Variants in SOX5 observed in about 807,000 individuals in gnomAD.
The protein encoded by SOX5 is SRY-box transcription factor 5.
Under a neutral mutation model 92.0 loss-of-function variants are expected in SOX5, and 9 were observed. That is an observed-to-expected ratio of 0.10 (90% CI 0.06 to 0.17). The LOEUF is 0.17. Ranked by LOEUF, SOX5 falls within the 10% of genes least tolerant of loss-of-function variation. The probability of loss-of-function intolerance (pLI) is 1.00; values close to 1 mark genes in which losing one functional copy is unlikely to be tolerated. For missense variants in SOX5, 642 were observed against 944.5 expected, an observed-to-expected ratio of 0.68 and a Z score of 4.20; for synonymous variants, 344 against 336.3, an observed-to-expected ratio of 1.02 and a Z score of -0.25.
chr12:24,347,936 T>C (rs1394748399), intron 2 of SOX5, among the ~76,000 whole-genome samples: 2 of 150,218 alleles, frequency 1.3e-5, no homozygotes, highest in Non-Finnish European at 2.9e-5. Flanking sequence ...TACTTTCAAG[T>C]ATAAAATGAA....
intron 4 of SOX5, among the ~76,000 whole-genome samples, chr12:24,194,080 C>T (rs12296666): frequency 0.038 from 5,829 of 152,162 alleles, 112 homozygotes; most frequent in South Asian, 0.066. Context: ...TCCATCTAAC[C>T]AGATAAGGAT....
At chr12:24,170,968 C>T (rs1954015715) in intron 4 of SOX5, among the ~76,000 whole-genome samples, 1 of 152,058 alleles carries the variant, frequency 6.6e-6, no homozygotes, top group African/African-American at 2.4e-5. Context: ...AATAGCTATC[C>T]CACTGAAGCA....
intron 8 of SOX5, among the ~76,000 whole-genome samples, chr12:23,626,418 T>G (rs2077793943): frequency 6.6e-6 from 1 of 152,196 alleles, no homozygotes; most frequent in African/African-American, 2.4e-5. Context: ...ATCTTCCTTC[T>G]TATTCCATGG....
intron 2 of SOX5, among the ~76,000 whole-genome samples, chr12:24,333,240 C>T (rs1951527708): frequency 6.7e-6 from 1 of 149,570 alleles, no homozygotes; most frequent in Non-Finnish European, 1.5e-5. Flanking sequence ...ACAAACTTAC[C>T]AGCAAAAAAA....
chr12:24,287,177 GTCATAGCA>G (rs1304030241), intron 2 of SOX5, among the ~76,000 whole-genome samples: 1 of 152,104 alleles, frequency 6.6e-6, no homozygotes, highest in African/African-American at 2.4e-5. Context: ...TTTTAAAAAA[GTCATAGCA>G]TCAGATAGAG....
intron 4 of SOX5, among the ~76,000 whole-genome samples, chr12:23,742,735 T>C (rs1218577161): frequency 6.6e-6 from 1 of 152,190 alleles, no homozygotes; most frequent in African/African-American, 2.4e-5. Flanking sequence ...CTCATGCCTG[T>C]AATTCCAATG....
At chr12:23,663,811 T>C (rs1302916316) in intron 7 of SOX5, among the ~76,000 whole-genome samples, 3 of 151,514 alleles carry the variant, frequency 2.0e-5, no homozygotes, top group African/African-American at 7.3e-5. Context: ...ATTCTTAGAA[T>C]GTAAAATATT....
At chr12:23,894,718 C>T (rs948004287) in intron 2 of SOX5, among the ~76,000 whole-genome samples, 5 of 151,980 alleles carry the variant, frequency 3.3e-5, no homozygotes, top group Non-Finnish European at 5.9e-5. Flanking sequence ...AATTCAAAAA[C>T]ATGAACAAGT....
intron 4 of SOX5, among the ~76,000 whole-genome samples, chr12:23,996,262 G>T (rs1951023999): frequency 6.6e-6 from 1 of 152,110 alleles, no homozygotes; most frequent in African/African-American, 2.4e-5. Context: ...TTAGTCATTA[G>T]GGAAATATAA....
intron 4 of SOX5, among the ~76,000 whole-genome samples, chr12:24,166,331 C>T (rs1201144738): frequency 6.6e-6 from 1 of 152,120 alleles, no homozygotes; most frequent in Non-Finnish European, 1.5e-5. Context: ...TGAAGATGTT[C>T]AGCCAGCCAA....
At chr12:24,238,686 T>G (rs898832775) in intron 3 of SOX5, among the ~76,000 whole-genome samples, 3 of 152,150 alleles carry the variant, frequency 2.0e-5, no homozygotes, top group Admixed American at 2.0e-4. Context: ...GTTAGTTGAC[T>G]TCTTATGCTG....
chr12:23,889,195 A>G (rs1293189536), intron 2 of SOX5, among the ~76,000 whole-genome samples: 3 of 152,214 alleles, frequency 2.0e-5, no homozygotes, highest in African/African-American at 7.2e-5. Flanking sequence ...CAATAACCAC[A>G]CTGGTTTAAC....
chr12:23,665,357 A>T, intron 7 of SOX5, 87 bp downstream of exon 7: 4 of 1,430,540 alleles, frequency 2.8e-6, no homozygotes, highest in Non-Finnish European at 3.9e-6. Flanking sequence ...GGGTGATCTC[A>T]TTTCTTGGTG....
chr12:24,530,991 C>CT (rs1354914119), intron 1 of SOX5, among the ~76,000 whole-genome samples: 1 of 152,002 alleles, frequency 6.6e-6, no homozygotes, highest in African/African-American at 2.4e-5. Context: ...AAATTATGGC[C>CT]TTTTAAAATT....
intron 4 of SOX5, among the ~76,000 whole-genome samples, chr12:24,196,751 A>C (rs1229387369): frequency 6.6e-6 from 1 of 152,086 alleles, no homozygotes; most frequent in Non-Finnish European, 1.5e-5. Flanking sequence ...AAAAATACAA[A>C]AATGAGCCAG....
At chr12:23,845,316 T>C (rs2096562832) in intron 3 of SOX5, among the ~76,000 whole-genome samples, 1 of 152,206 alleles carries the variant, frequency 6.6e-6, no homozygotes, top group Admixed American at 6.5e-5. Flanking sequence ...TAAAGGATGA[T>C]TGTCAATTAT....
At chr12:23,783,290 G>C (rs1023268618) in intron 3 of SOX5, among the ~76,000 whole-genome samples, 1 of 152,128 alleles carries the variant, frequency 6.6e-6, no homozygotes, top group African/African-American at 2.4e-5. Context: ...TGGAATGAAA[G>C]TAAGCTAAAG....
intron 4 of SOX5, among the ~76,000 whole-genome samples, chr12:23,746,135 G>A (rs1039178427): frequency 5.3e-5 from 8 of 152,060 alleles, no homozygotes; most frequent in African/African-American, 1.4e-4. Flanking sequence ...TCCATCCCAC[G>A]GCTTCATCTC....
chr12:24,006,276 C>T (rs1047163617), intron 4 of SOX5, among the ~76,000 whole-genome samples: 1 of 152,140 alleles, frequency 6.6e-6, no homozygotes, highest in Admixed American at 6.6e-5. Context: ...AATGTACTAT[C>T]TCATTAATGG....
Sources: allele counts gnomAD v4.1 joint callset (sites outside exome capture counted in the v4.1 genomes callset), GRCh38; gene constraint gnomAD v4.1.1; transcripts MANE v1.5; gene names NCBI Gene and HGNC (gene_info 2026-07-23, HGNC 2026-07-21).